The following TMED3 variants were observed in gnomAD, a reference collection of about 807,000 sequenced individuals.
TMED3 encodes the protein transmembrane p24 trafficking protein 3.
TMED3 carries 9 observed loss-of-function variants against 15.0 expected under a neutral mutation model. The observed-to-expected ratio is 0.60, with a 90% CI of 0.36 to 1.04. The LOEUF (loss-of-function observed/expected upper bound fraction) is 1.04. Among genes scored for constraint, TMED3 ranks in the 50% least tolerant of loss-of-function variants. The probability of loss-of-function intolerance (pLI) is 0.01; values close to 1 mark genes in which losing one functional copy is unlikely to be tolerated. For synonymous variants in TMED3, 117 were observed against 121.4 expected (o/e 0.96, Z 0.24); for missense variants, 267 against 278.9 (o/e 0.96, Z 0.30).
intron 2 of TMED3, among the ~76,000 whole-genome samples, chr15:79,333,357 A>C (rs2058816336): frequency 6.6e-6 from 1 of 152,090 alleles, no homozygotes; most frequent in Admixed American, 6.5e-5. Flanking sequence ...AATGTTGTTA[A>C]CTCCTCCCTG....
chr15:79,389,730 A>G (rs1420423762), intron 2 of TMED3, among the ~76,000 whole-genome samples: 5 of 152,024 alleles, frequency 3.3e-5, no homozygotes, highest in African/African-American at 7.2e-5. Flanking sequence ...TGAGCATGGG[A>G]TGTGTTTCCA....
chr15:79,350,102 G>C (rs147180399), intron 2 of TMED3, among the ~76,000 whole-genome samples: 1 of 152,288 alleles, frequency 6.6e-6, no homozygotes, highest in East Asian at 1.9e-4. Flanking sequence ...CCAGCACAGA[G>C]AAGGCTCAGT....
chr15:79,332,626 T>C (rs1330433967), intron 2 of TMED3, among the ~76,000 whole-genome samples: 1 of 152,220 alleles, frequency 6.6e-6, no homozygotes, highest in Non-Finnish European at 1.5e-5. Context: ...GCGGGCTGCT[T>C]TCCAGACAAG....
chr15:79,370,382 A>C (rs1893316673), intron 2 of TMED3, among the ~76,000 whole-genome samples: 1 of 150,060 alleles, frequency 6.7e-6, no homozygotes, highest in Admixed American at 6.8e-5. Context: ...CAGCTTCCAC[A>C]GGAGTGCAGA....
chr15:79,355,058 C>A (rs1437388642), intron 2 of TMED3, among the ~76,000 whole-genome samples: 7 of 152,204 alleles, frequency 4.6e-5, no homozygotes, highest in Non-Finnish European at 8.8e-5. Context: ...TTTACATACC[C>A]ACTTGGTACC....
intron 2 of TMED3, among the ~76,000 whole-genome samples, chr15:79,349,220 A>G (rs56249288): frequency 0.29 from 44,705 of 152,146 alleles, 6,677 homozygotes; most frequent in African/African-American, 0.35. Flanking sequence ...TCCTCACGAC[A>G]AAAATGATAA....
At chr15:79,399,598 C>A (rs1893808208) in intron 2 of TMED3, among the ~76,000 whole-genome samples, 1 of 152,066 alleles carries the variant, frequency 6.6e-6, no homozygotes, top group African/African-American at 2.4e-5. Flanking sequence ...AATTCCATGC[C>A]AGGAAATGTG....
chr15:79,347,213 G>A (rs1461728432), intron 2 of TMED3, among the ~76,000 whole-genome samples: 1 of 152,082 alleles, frequency 6.6e-6, no homozygotes, highest in East Asian at 1.9e-4. Context: ...TAGGATGCAA[G>A]GTTTGTTCAA....
chr15:79,406,635 C>A (rs1018055884), intron 2 of TMED3, among the ~76,000 whole-genome samples: 4 of 152,200 alleles, frequency 2.6e-5, no homozygotes, highest in Non-Finnish European at 4.4e-5. Flanking sequence ...TGTGAACTGA[C>A]TTAACTCTGG....
chr15:79,326,490 T>C (rs79266562), downstream of TMED3, among the ~76,000 whole-genome samples: 1,350 of 152,300 alleles, frequency 8.9e-3, 6 homozygotes, highest in Non-Finnish European at 0.013. Context: ...TTGGCCTCTT[T>C]ATGTCTGGGA....
intron 2 of TMED3, among the ~76,000 whole-genome samples, chr15:79,362,287 G>T (rs1302572277): frequency 1.4e-5 from 2 of 142,850 alleles, no homozygotes; most frequent in South Asian, 4.6e-4. Context: ...GGCATATAGT[G>T]TGATCTTGCC....
intron 2 of TMED3, among the ~76,000 whole-genome samples, chr15:79,369,716 A>G (rs931157133): frequency 5.9e-5 from 9 of 152,226 alleles, no homozygotes; most frequent in African/African-American, 1.7e-4. Context: ...GTCTTGGTCC[A>G]TCATTGGCCC....
chr15:79,388,751 A>T (rs749972700), intron 2 of TMED3, among the ~76,000 whole-genome samples: 3 of 152,128 alleles, frequency 2.0e-5, no homozygotes, highest in Non-Finnish European at 4.4e-5. Flanking sequence ...CCCCACCAAC[A>T]TATACTGTTT....
In TMED3 at chr15:79,322,604, A is replaced by T; in HGVS notation, c.*390A>T. On this transcript the variant is annotated 3_prime_UTR_variant, in exon 3 of 3. Transcript: ENST00000299705. ...ATGGGTCATTTGTCTTGGGTGTCCT[A>T]TCCCATATGGAGAAGAAAGGGGCTC... 9.9e-7 allele frequency: 1 copy of T among 1,014,714 alleles called. No homozygotes were observed. The highest frequency in any genetic ancestry group is 4.4e-5 in the South Asian group (1 of 22,818). 62.9% of individuals were successfully genotyped at this position (1,014,714 alleles called of 1,614,324 possible).
intron 2 of TMED3, among the ~76,000 whole-genome samples, chr15:79,373,352 CT>C: frequency 6.6e-6 from 1 of 152,298 alleles, no homozygotes; most frequent in Non-Finnish European, 1.5e-5. Context: ...GGGCTATTTT[CT>C]TTGGCTGTTC....
chr15:79,376,309 T>C (rs1893426941), intron 2 of TMED3, among the ~76,000 whole-genome samples: 1 of 149,786 alleles, frequency 6.7e-6, no homozygotes, highest in South Asian at 2.1e-4. Context: ...TTTGGCATTC[T>C]TGGGTAACTT....
intron 2 of TMED3, among the ~76,000 whole-genome samples, chr15:79,329,374 G>A (rs2058799179): frequency 6.6e-6 from 1 of 152,338 alleles, no homozygotes; most frequent in East Asian, 1.9e-4. Flanking sequence ...AAATGGATGT[G>A]CTTTGGTCAG....
intron 2 of TMED3, among the ~76,000 whole-genome samples, chr15:79,395,079 C>T (rs1893745962): frequency 6.6e-6 from 1 of 152,116 alleles, no homozygotes. Context: ...ACTCTCTTTT[C>T]TTCTTCTCTG....
intron 2 of TMED3, among the ~76,000 whole-genome samples, chr15:79,394,852 G>C (rs997474905): frequency 6.6e-6 from 1 of 152,256 alleles, no homozygotes; most frequent in African/African-American, 2.4e-5. Context: ...CTGTGTAATA[G>C]TACCTAACAC....
Sources: gnomAD v4.1 joint callset for allele counts (sites outside exome capture counted in the v4.1 genomes callset) on GRCh38, gnomAD v4.1.1 for gene constraint, MANE v1.5 for transcripts, NCBI Gene and HGNC (gene_info 2026-07-23, HGNC 2026-07-21) for gene names.